Variants in SUMF1 observed in about 807,000 individuals in gnomAD.
The protein encoded by SUMF1 is sulfatase modifying factor 1, also known as formylglycine-generating enzyme.
A neutral mutation model predicts 47.6 loss-of-function variants in SUMF1; 48 were observed. The observed-to-expected ratio is 1.01, with a 90% CI of 0.80 to 1.28. SUMF1 has a LOEUF of 1.28. Among genes scored for constraint, SUMF1 ranks in the 50% most tolerant of loss-of-function variants. The pLI, the probability that SUMF1 is intolerant of heterozygous loss-of-function variation, is 0.00. For synonymous variants in SUMF1, 230 were observed against 192.1 expected (o/e 1.20, Z -1.63); for missense variants, 571 against 485.4 (o/e 1.18, Z -1.66).
intron 7 of SUMF1, among the ~76,000 whole-genome samples, chr3:4,386,838 T>G (rs910906368): frequency 6.6e-6 from 1 of 152,012 alleles, no homozygotes; most frequent in African/African-American, 2.4e-5. Context: ...GTTAAATGCT[T>G]CTTCTGCACT....
Position 4,287,205 on chromosome 3 carries a change from T to G in SUMF1, c.1014+89125A>C, listed in dbSNP as rs372773985. Among the ~76,000 whole-genome samples the G allele has an allele frequency of 2.1e-4, 32 of 152,238 alleles. No individual in the cohort carries two copies. In the East Asian group the frequency reaches 5.6e-3, roughly 27 times the overall value. On this transcript the variant is annotated intron_variant and NMD_transcript_variant, in intron 8 of 12. Transcript: ENST00000448413. ...AGACAGAACAACACAATGCAAAGCT[T>G]TCAGGGGGTCCTCAACTATTGTTAA... is the stretch of plus-strand genomic sequence containing the variant.
intron 6 of SUMF1, among the ~76,000 whole-genome samples, chr3:4,413,998 G>A (rs1701627419): frequency 1.3e-5 from 2 of 152,050 alleles, no homozygotes; most frequent in Non-Finnish European, 2.9e-5. Flanking sequence ...TGAGTAGCTG[G>A]GATTACAGGT....
At chr3:4,147,633 T>C (rs1290998417) in intron 8 of SUMF1, among the ~76,000 whole-genome samples, 9 of 152,140 alleles carry the variant, frequency 5.9e-5, no homozygotes, top group African/African-American at 1.9e-4. Flanking sequence ...GTGCCACACC[T>C]ACATAAAAAT....
intron 8 of SUMF1, among the ~76,000 whole-genome samples, chr3:4,268,477 C>T (rs1575037985): frequency 7.0e-6 from 1 of 142,854 alleles, no homozygotes; most frequent in Non-Finnish European, 1.5e-5. Flanking sequence ...TTTGCTTTTA[C>T]ATAGTAAAAT....
intron 8 of SUMF1, chr3:4,314,256 C>T (rs1698545347): frequency 6.4e-6 from 1 of 157,192 alleles, no homozygotes; most frequent in African/African-American, 2.4e-5. Context: ...ATAGTCTCTC[C>T]CTTGCTTAAG....
intron 8 of SUMF1, among the ~76,000 whole-genome samples, chr3:4,133,733 T>C (rs1488401223): frequency 1.3e-5 from 2 of 152,118 alleles, no homozygotes; most frequent in Non-Finnish European, 2.9e-5. Context: ...GCTCTCCTTG[T>C]TCCTCAGCCT....
chr3:4,341,924 A>T (rs1365024126), intron 8 of SUMF1, among the ~76,000 whole-genome samples: 2 of 152,250 alleles, frequency 1.3e-5, no homozygotes, highest in Non-Finnish European at 2.9e-5. Context: ...GTTTATAAAT[A>T]GTGCCACTCT....
chr3:4,457,827 G>A (rs796646009), intron 1 of SUMF1, among the ~76,000 whole-genome samples: 14 of 152,190 alleles, frequency 9.2e-5, no homozygotes, highest in African/African-American at 3.1e-4. Flanking sequence ...CATGACACAG[G>A]CCTGGCAAAG....
chr3:4,380,407 A>G (rs567238742), intron 7 of SUMF1, among the ~76,000 whole-genome samples: 1 of 152,296 alleles, frequency 6.6e-6, no homozygotes, highest in African/African-American at 2.4e-5. Context: ...AACAATAGAC[A>G]CTGGGACCTA....
At chr3:4,113,222 T>C (rs1211922345) in intron 8 of SUMF1, among the ~76,000 whole-genome samples, 1 of 152,160 alleles carries the variant, frequency 6.6e-6, no homozygotes, top group Non-Finnish European at 1.5e-5. Context: ...ATCTCTCTTC[T>C]AGCTACTTTG....
At chr3:4,202,205 A>C (rs1165758885) in intron 8 of SUMF1, among the ~76,000 whole-genome samples, 1 of 151,848 alleles carries the variant, frequency 6.6e-6, no homozygotes, top group Non-Finnish European at 1.5e-5. Flanking sequence ...CAGTTTCTCC[A>C]ATTTTTTCTT....
rs557808454 is a variant in SUMF1 at position 4,328,618 on chromosome 3, G to A, written c.1014+47712C>T. ...GATTCAATTTTCTCCACTTGGTCCCGCCCTTAACACATTGGGATTATTATA... is the reference window on the plus strand; with the variant it reads ...GATTCAATTTTCTCCACTTGGTCCCACCCTTAACACATTGGGATTATTATA... On this transcript the variant is annotated intron_variant and NMD_transcript_variant, in intron 8 of 12. Coordinates refer to the SUMF1 transcript ENST00000448413. Among the ~76,000 whole-genome samples the A allele has an allele frequency of 3.3e-3, 500 of 152,198 alleles. 2 individuals carry two copies. Among genetic ancestry groups the A allele is most frequent in the Middle Eastern group, 6.8e-3 (2 of 294 alleles).
rs986706175 is a variant in SUMF1, at chr3:4,395,808, G to A, written c.954+15057C>T. On this transcript the variant is annotated intron_variant, in intron 7 of 8. Transcript: ENST00000272902. ...TCAGACCCCAAAGTCTATGGTAACC[G>A]TTCTTGCTCCTGGAGTAATACATGA... Among the ~76,000 whole-genome samples the A allele has an allele frequency of 1.2e-4, 18 of 152,152 alleles. No homozygotes were observed. In the East Asian group the frequency reaches 1.5e-3, roughly 13 times the overall value.
At chr3:4,144,715 G>C (rs1694153868) in intron 8 of SUMF1, among the ~76,000 whole-genome samples, 1 of 152,016 alleles carries the variant, frequency 6.6e-6, no homozygotes, top group Non-Finnish European at 1.5e-5. Flanking sequence ...CCTACTCTAT[G>C]TAAAATCTAC....
chr3:4,254,143 A>G lies in SUMF1; in HGVS notation c.1014+122187T>C, dbSNP rs192854739. Among the ~76,000 whole-genome samples the G allele has an allele frequency of 3.0e-3, 452 of 152,012 alleles. 3 individuals carry two copies. Among genetic ancestry groups the G allele is most frequent in the African/African-American group, 0.01 (434 of 41,462 alleles). ...ACCATCATCAAAGACCAAAAGCAAA[A>G]AAAACCACAAAGATGGGGAAAAAAC... On this transcript the variant is annotated intron_variant and NMD_transcript_variant, in intron 8 of 12. Transcript: ENST00000448413.
At chr3:4,044,012 A>C in intron 9 of SUMF1, among the ~76,000 whole-genome samples, 1 of 151,958 alleles carries the variant, frequency 6.6e-6, no homozygotes, top group East Asian at 1.9e-4. Flanking sequence ...TACTATTTCA[A>C]ATTTATAGCA....
At chr3:4,387,499 G>A (rs1423914344) in intron 7 of SUMF1, among the ~76,000 whole-genome samples, 2 of 151,878 alleles carry the variant, frequency 1.3e-5, no homozygotes, top group African/African-American at 2.4e-5. Context: ...TGTCAGACTT[G>A]CTAGAGGTTT....
chr3:4,359,809 T>C (rs561929904), downstream of SUMF1, among the ~76,000 whole-genome samples: 13 of 152,214 alleles, frequency 8.5e-5, no homozygotes, highest in East Asian at 2.5e-3. Context: ...CAATTCAAGA[T>C]GAGATTTGGG....
chr3:4,260,801 A>G (rs1242318862), intron 8 of SUMF1, among the ~76,000 whole-genome samples: 5 of 152,176 alleles, frequency 3.3e-5, no homozygotes, highest in Admixed American at 2.0e-4. Context: ...AGGCAGATTA[A>G]TGCCACACCC....
Sources: allele counts gnomAD v4.1 joint callset (sites outside exome capture counted in the v4.1 genomes callset), GRCh38; gene constraint gnomAD v4.1.1; transcripts MANE v1.5; gene names NCBI Gene and HGNC (gene_info 2026-07-23, HGNC 2026-07-21).